RNPS1: variants seen among roughly 807,000 people sequenced by gnomAD.
The protein encoded by RNPS1 is RNA binding protein with serine rich domain 1.
For missense variants in RNPS1, 300 were observed against 427.6 expected, an observed-to-expected ratio of 0.70 and a Z score of 2.63; for synonymous variants, 147 against 150.0, an observed-to-expected ratio of 0.98 and a Z score of 0.15.
At chr16:2,264,415 G>C in intron 2 of RNPS1, 84 bp from the exon 3 acceptor site, 1 of 1,594,748 alleles carries the variant, frequency 6.3e-7, no homozygotes, top group South Asian at 1.1e-5. Context: ...ATCAGCATCA[G>C]CAGGGCCACA....
intron 1 of RNPS1, chr16:2,266,599 C>G: frequency 1.0e-6 from 1 of 985,372 alleles, no homozygotes; most frequent in Non-Finnish European, 1.2e-6. Context: ...TGTATCTCCA[C>G]GTCCGGAGGC....
rs1204768053 is a variant in RNPS1, at chr16:2,268,007, C to T, written c.-118+48G>A. 3 of 1,533,594 alleles carry T rather than the reference C, an allele frequency of 2.0e-6. No individual in the cohort carries two copies. The South Asian group carries it at 3.6e-5, about 18-fold the overall frequency. The allele number at this position is 1,533,594 out of a possible 1,614,324, so 95.0% of individuals were successfully genotyped here. ...TCACGAGGCGTCCTGCCGGGCCTGC[C>T]GGGCAGCCCCCGAAACACGGATGCA... On this transcript the variant is annotated intron_variant, in intron 1 of 7. Transcript: ENST00000320225.
chr16:2,262,453 G>A (rs1427766553), intron 5 of RNPS1, 22 bp from the exon 6 acceptor site: 16 of 1,613,088 alleles, frequency 9.9e-6, no homozygotes, highest in South Asian at 6.6e-5. Flanking sequence ...GAAGGGTCAC[G>A]CCAACGCCCA....
chr16:2,266,726 G>C (rs1334417535), intron 1 of RNPS1: 2 of 985,064 alleles, frequency 2.0e-6, no homozygotes, highest in African/African-American at 3.5e-5. Context: ...TAGAAACCGT[G>C]TGAGGAGCCA....
At chr16:2,258,475 A>G (rs2093588327) in intron 6 of RNPS1, 1 of 152,240 alleles carries the variant, frequency 6.6e-6, no homozygotes, top group African/African-American at 2.4e-5. Flanking sequence ...CTGTAATCCC[A>G]GCACTTTGGG....
intron 6 of RNPS1, chr16:2,258,810 T>G (rs1380876236): frequency 6.6e-6 from 1 of 151,660 alleles, no homozygotes; most frequent in East Asian, 2.0e-4. Flanking sequence ...ATCTAGTTTT[T>G]CTGTAAATTA....
chr16:2,255,625 G>A lies in RNPS1; in HGVS notation c.778C>T (p.Pro260Ser), dbSNP rs757956808. The change falls in exon 7 of 8, where the codon CCG becomes TCG. Residue 260 changes from proline to serine, a missense_variant. Physicochemically the swap from Pro to Ser is moderately conservative, Grantham distance 74 (BLOSUM62 -1). Coordinates refer to ENST00000320225, the MANE Select transcript of RNPS1 (RefSeq NM_080594.4). ...FSPPRRMLPP[P>S]PMWRRSPPRM... The stretch of plus-strand genomic sequence containing the variant: ...GGGGGAGACCTGCGCCACATAGGCG[G>A]TGGTGGCAACATTCTCCTGGGAGGG... 1 of 1,608,756 alleles carries A rather than the reference G, an allele frequency of 6.2e-7. No homozygotes were observed. Among genetic ancestry groups the A allele is most frequent in the South Asian group, 1.1e-5 (1 of 90,646 alleles).
chr16:2,254,262 T>C (rs996863028), intron 7 of RNPS1, among the ~76,000 whole-genome samples, 199 bp from the exon 8 acceptor site: 7 of 151,510 alleles, frequency 4.6e-5, no homozygotes, highest in Admixed American at 6.6e-5. Context: ...CAGCCTCCCA[T>C]GCAACTGGGA....
At chr16:2,267,525 T>A (rs557457635) in intron 1 of RNPS1, 1 of 1,016,614 alleles carries the variant, frequency 9.8e-7, no homozygotes, top group Admixed American at 6.1e-5. Context: ...CGGGAAACGT[T>A]CGCGGAGTAC....
chr16:2,267,253 G>A (rs1439818339), intron 1 of RNPS1: 6 of 985,272 alleles, frequency 6.1e-6, no homozygotes, highest in Non-Finnish European at 6.0e-6. Flanking sequence ...GCCAGAGAGA[G>A]GAGAGAACAA....
At chr16:2,266,706 C>T (rs935779052) in intron 1 of RNPS1, 1 of 985,336 alleles carries the variant, frequency 1.0e-6, no homozygotes, top group African/African-American at 1.7e-5. Context: ...CCTGCAGCAG[C>T]ACTGTCCAAT....
At chr16:2,254,179 A>T in intron 7 of RNPS1, 116 bp from the exon 8 acceptor site, 1 of 735,820 alleles carries the variant, frequency 1.4e-6, no homozygotes, top group East Asian at 3.1e-5. Flanking sequence ...CTCTGTCTCC[A>T]GGCCAGAGTG....
intron 1 of RNPS1, chr16:2,265,690 G>C (rs2093622425): frequency 6.6e-6 from 1 of 152,096 alleles, no homozygotes; most frequent in African/African-American, 2.4e-5. Flanking sequence ...TCACCATATT[G>C]ACCAGGCTGG....
chr16:2,253,632 G>A lies in RNPS1; in HGVS notation c.*332C>T, dbSNP rs559043063. The A allele has an allele frequency of 6.1e-4, 280 of 457,170 alleles. No homozygotes were observed. Among genetic ancestry groups the A allele is most frequent in the African/African-American group, 5.1e-3 (254 of 49,560 alleles). 28.3% of individuals were successfully genotyped at this position (457,170 alleles called of 1,614,324 possible). On this transcript the variant is annotated 3_prime_UTR_variant, in exon 8 of 8. Coordinates refer to ENST00000320225, the MANE Select transcript of RNPS1 (RefSeq NM_080594.4). The stretch of plus-strand genomic sequence containing the variant: ...GCCACCATCCCAGGTCATCGGGGAA[G>A]GGAAAAGTGTGCTCCCAGGTAAGCA...
intron 1 of RNPS1, 129 bp downstream of exon 1, chr16:2,267,926 C>G: frequency 6.5e-7 from 1 of 1,529,592 alleles, no homozygotes; most frequent in Non-Finnish European, 8.7e-7. Flanking sequence ...CTTCTCGGAG[C>G]CCGCACCGCG....
chr16:2,262,485 A>G, intron 5 of RNPS1, 54 bp from the exon 6 acceptor site: 1 of 1,594,466 alleles, frequency 6.3e-7, no homozygotes, highest in East Asian at 2.2e-5. Flanking sequence ...GTCACGTCAG[A>G]CGCAGAGAGC....
rs543089605 is a variant in RNPS1 at position 2,266,864 on chromosome 16, C to T, written c.-118+1191G>A. 1.1e-5 allele frequency: 4 copies of T among 353,570 alleles called. No individual in the cohort carries two copies. In the South Asian group the frequency reaches 3.5e-4, roughly 31 times the overall value. The allele number at this position is 353,570 out of a possible 1,614,324, so 21.9% of individuals were successfully genotyped here. A position where few individuals can be genotyped will look rare whatever the true frequency, so the allele number is the denominator to read the frequency against. On this transcript the variant is annotated intron_variant, in intron 1 of 7. Transcript: ENST00000320225. ...AACATAAACATCTAATAAAAGTTTG[C>T]TTTTTTCCTAGTCTTCTAAAACTGG...
chr16:2,258,131 A>T (rs2093586794), intron 6 of RNPS1: 1 of 152,232 alleles, frequency 6.6e-6, no homozygotes, highest in African/African-American at 2.4e-5. Context: ...TAAGAAATAA[A>T]CTGTATAGAT....
intron 5 of RNPS1, 76 bp from the exon 6 acceptor site, chr16:2,262,507 T>C (rs1018767287): frequency 2.0e-6 from 3 of 1,513,476 alleles, no homozygotes; most frequent in Admixed American, 3.4e-5. Context: ...CAGCACATCA[T>C]GACTAAAACC....
Sources: gnomAD v4.1 joint callset for allele counts (sites outside exome capture counted in the v4.1 genomes callset) on GRCh38, gnomAD v4.1.1 for gene constraint, MANE v1.5 for transcripts, NCBI Gene and HGNC (gene_info 2026-07-23, HGNC 2026-07-21) for gene names.